The following CD164 variants were observed in gnomAD, a reference collection of about 807,000 sequenced individuals.
CD164 encodes the protein sialomucin core protein 24.
Under a neutral mutation model 24.6 loss-of-function variants are expected in CD164, and 11 were observed. The observed-to-expected ratio is 0.45, with a 90% CI of 0.28 to 0.74. The LOEUF (loss-of-function observed/expected upper bound fraction) is 0.74, where lower values mean the gene tolerates loss of function less well. Among genes scored for constraint, CD164 ranks in the 30% least tolerant of loss-of-function variants. The probability of loss-of-function intolerance (pLI) is 0.13; values close to 1 mark genes in which losing one functional copy is unlikely to be tolerated. For missense variants in CD164, 295 were observed against 243.7 expected (o/e 1.21, Z -1.40); for synonymous variants, 126 against 100.3 (o/e 1.26, Z -1.53).
intron 5 of CD164, 54 bp downstream of exon 5, chr6:109,370,357 G>T: frequency 3.6e-6 from 5 of 1,376,208 alleles, no homozygotes; most frequent in Non-Finnish European, 5.2e-6. Context: ...AATTGTAAAG[G>T]GCAACATCGT....
intron 4 of CD164, chr6:109,371,373 C>G (rs1166072165): frequency 6.5e-6 from 1 of 152,880 alleles, no homozygotes; most frequent in Admixed American, 6.5e-5. Flanking sequence ...CCCTCAGCCT[C>G]CTGTGTAGCT....
chr6:109,381,522 G>A (rs1044200792), intron 1 of CD164: 5 of 702,442 alleles, frequency 7.1e-6, no homozygotes, highest in African/African-American at 1.7e-5. Context: ...TTAGCCTTAG[G>A]ATACGTACGC....
At chr6:109,381,697 G>C in intron 1 of CD164, 1 of 655,570 alleles carries the variant, frequency 1.5e-6, no homozygotes, top group Non-Finnish European at 2.8e-6. Context: ...TCTGAGACAC[G>C]AACGAGCATT....
intron 4 of CD164, chr6:109,370,797 A>T (rs1018638425): frequency 4.6e-6 from 1 of 217,808 alleles, no homozygotes; most frequent in African/African-American, 2.4e-5. Flanking sequence ...AGGAAACTAT[A>T]GGTTCTTCAT....
chr6:109,381,355 C>T, intron 1 of CD164: 1 of 606,984 alleles, frequency 1.6e-6, no homozygotes. Flanking sequence ...CACAAACCCC[C>T]GTTCCACGAC....
At position 109,382,316 on chromosome 6, in the gene CD164, C is replaced by T. The variant is rs1300274980; in HGVS notation, c.63G>A (p.Leu21=). ...AATCLGVLCV[L]SADKNTTQHP... is the part of the protein sequence containing the mutation. The stretch of plus-strand genomic sequence containing the variant: ...GCTGGGTCGTGTTCTTGTCCGCGGA[C>T]AGCACGCAGAGCACGCCCAGGCAGG... The change falls in exon 1 of 6, where the codon CTG becomes CTA. Residue 21 remains leucine (L), a synonymous_variant. Transcript: ENST00000310786. 7 of 1,577,764 alleles carry T rather than the reference C, an allele frequency of 4.4e-6. No individual in the cohort carries two copies. In the East Asian group the frequency reaches 1.4e-4, roughly 31 times the overall value.
chr6:109,381,908 G>A (rs534886769), intron 1 of CD164: 1 of 454,254 alleles, frequency 2.2e-6, no homozygotes, highest in Admixed American at 4.2e-5. Context: ...CCCCAAGTGA[G>A]GCTAGGAATT....
chr6:109,375,589 C>T (rs1441811576), intron 4 of CD164, among the ~76,000 whole-genome samples: 1 of 143,686 alleles, frequency 7.0e-6, no homozygotes, highest in East Asian at 2.1e-4. Context: ...TGCACTCCAG[C>T]CTGAGCGGCA....
intron 5 of CD164, 45 bp downstream of exon 5, chr6:109,370,366 G>T: frequency 6.9e-7 from 1 of 1,445,308 alleles, no homozygotes; most frequent in Non-Finnish European, 9.7e-7. Flanking sequence ...GGGCAACATC[G>T]TGCACACATC....
At chr6:109,375,902 T>TAAAA (rs1771379581) in intron 4 of CD164, 172 bp downstream of exon 4, 1 of 570,090 alleles carries the variant, frequency 1.8e-6, no homozygotes, top group African/African-American at 2.0e-5. Context: ...GAGCTATGTG[T>TAAAA]CACTGTCACA....
At chr6:109,371,716 T>C (rs1010381390) in intron 4 of CD164, 7 of 153,736 alleles carry the variant, frequency 4.6e-5, no homozygotes, top group African/African-American at 1.7e-4. Flanking sequence ...TTGAGAAAGG[T>C]TTCATTAAGA....
Position 109,368,631 on chromosome 6 carries a change from C to A in CD164, c.*220G>T. The stretch of plus-strand genomic sequence containing the variant: ...CAGCAGCTATTTAAAATAAGACAGC[C>A]ACAGGATTCATGCAGAATATTTTAA... On this transcript the variant is annotated 3_prime_UTR_variant, in exon 6 of 6. Coordinates refer to ENST00000310786, the MANE Select transcript of CD164 (RefSeq NM_006016.6). 7.4e-7 allele frequency: 1 copy of A among 1,353,080 alleles called. No homozygotes were observed. 83.8% of individuals were successfully genotyped at this position (1,353,080 alleles called of 1,614,324 possible).
chr6:109,380,945 A>C (rs1052524089), intron 1 of CD164, among the ~76,000 whole-genome samples: 1 of 152,236 alleles, frequency 6.6e-6, no homozygotes, highest in African/African-American at 2.4e-5. Flanking sequence ...TGTTACCATT[A>C]CATCTTCCTT....
At chr6:109,373,551 G>A (rs954101119) in intron 4 of CD164, among the ~76,000 whole-genome samples, 21 of 152,160 alleles carry the variant, frequency 1.4e-4, no homozygotes, top group Admixed American at 7.9e-4. Context: ...GCAATTCACA[G>A]GAGGACCCAG....
At chr6:109,373,488 G>A (rs959260338) in intron 4 of CD164, among the ~76,000 whole-genome samples, 1 of 152,138 alleles carries the variant, frequency 6.6e-6, no homozygotes. Context: ...ATAAGCCCTT[G>A]CTGCTTTCCC....
intron 2 of CD164, among the ~76,000 whole-genome samples, chr6:109,379,307 G>A (rs145985574): frequency 2.8e-3 from 432 of 152,126 alleles, no homozygotes; most frequent in African/African-American, 0.01. Context: ...AGGATTTCAA[G>A]ACCAACCTGG....
chr6:109,382,141 C>T (rs1404975233), intron 1 of CD164, 63 bp downstream of exon 1: 1 of 1,323,736 alleles, frequency 7.6e-7, no homozygotes, highest in Non-Finnish European at 9.7e-7. Flanking sequence ...GCCCGCACGG[C>T]GAGGAGGCAG....
chr6:109,382,426 T>G lies in CD164; in HGVS notation c.-48A>C. 6.9e-7 allele frequency: 1 copy of G among 1,456,534 alleles called. No homozygotes were observed. Among genetic ancestry groups the G allele is most frequent in the East Asian group, 2.8e-5 (1 of 35,880 alleles). 90.2% of individuals were successfully genotyped at this position (1,456,534 alleles called of 1,614,324 possible). On this transcript the variant is annotated 5_prime_UTR_variant, in exon 1 of 6. Coordinates refer to ENST00000310786, the MANE Select transcript of CD164 (RefSeq NM_006016.6). ...GGGAGAAAGCTAAGGCTCGCAACGC[T>G]CAGTCAACCCCTCAATCCCCTGCGG...
intron 4 of CD164, 189 bp downstream of exon 4, chr6:109,375,885 A>C (rs1449043343): frequency 1.8e-6 from 1 of 540,762 alleles, no homozygotes; most frequent in Non-Finnish European, 3.2e-6. Flanking sequence ...CCGACTATAA[A>C]ACACTGGAGC....
Sources: allele counts gnomAD v4.1 joint callset (sites outside exome capture counted in the v4.1 genomes callset), GRCh38; gene constraint gnomAD v4.1.1; transcripts MANE v1.5; gene names NCBI Gene and HGNC (gene_info 2026-07-23, HGNC 2026-07-21).